The following PTPRT variants were observed in gnomAD, a reference collection of about 807,000 sequenced individuals.
PTPRT encodes receptor-type tyrosine-protein phosphatase T.
A neutral mutation model predicts 176.8 loss-of-function variants in PTPRT; 56 were observed. The observed-to-expected ratio is 0.32, with a 90% CI of 0.26 to 0.40. PTPRT has a LOEUF of 0.40. PTPRT is among the 10% of genes least tolerant of loss of function. The pLI, the probability that PTPRT is intolerant of heterozygous loss-of-function variation, is 1.00. For synonymous variants in PTPRT, 783 were observed against 739.0 expected, an observed-to-expected ratio of 1.06 and a Z score of -0.96; for missense variants, 1,540 against 1,908.2, an observed-to-expected ratio of 0.81 and a Z score of 3.60.
At chr20:42,207,017 C>A (rs1208577160) in intron 15 of PTPRT, among the ~76,000 whole-genome samples, 2 of 152,168 alleles carry the variant, frequency 1.3e-5, no homozygotes, top group Non-Finnish European at 2.9e-5. Flanking sequence ...GGGAGGCACC[C>A]CCCAGCAGGG....
At chr20:42,838,440 C>T (rs148108977) in intron 2 of PTPRT, among the ~76,000 whole-genome samples, 73 of 152,306 alleles carry the variant, frequency 4.8e-4, no homozygotes, top group African/African-American at 1.7e-3. Context: ...ACTGAGCTAG[C>T]CAGGCTGGAA....
intron 2 of PTPRT, among the ~76,000 whole-genome samples, chr20:42,819,026 C>T (rs2077841976): frequency 6.6e-6 from 1 of 152,160 alleles, no homozygotes; most frequent in Middle Eastern, 3.2e-3. Flanking sequence ...GGCAGGCCAA[C>T]ATACAAATTC....
intron 12 of PTPRT, among the ~76,000 whole-genome samples, chr20:42,295,398 T>C (rs2057372970): frequency 6.6e-6 from 1 of 152,172 alleles, no homozygotes; most frequent in Non-Finnish European, 1.5e-5. Flanking sequence ...TATGGAAAAG[T>C]AGCTTTCAAC....
At chr20:42,137,619 G>C (rs976051721) in intron 18 of PTPRT, among the ~76,000 whole-genome samples, 2 of 152,114 alleles carry the variant, frequency 1.3e-5, no homozygotes, top group Admixed American at 1.3e-4. Flanking sequence ...GTCCATCTCT[G>C]GGCTCTCTCT....
chr20:42,510,222 C>G (rs993987139), intron 7 of PTPRT, among the ~76,000 whole-genome samples: 1 of 152,058 alleles, frequency 6.6e-6, no homozygotes, highest in Non-Finnish European at 1.5e-5. Flanking sequence ...TTTCCAATAC[C>G]TAACCCCCCT....
chr20:42,374,482 C>A (rs1425388494), intron 9 of PTPRT, among the ~76,000 whole-genome samples: 8 of 151,976 alleles, frequency 5.3e-5, no homozygotes, highest in Admixed American at 2.6e-4. Flanking sequence ...TTAAAACTTA[C>A]AATCAAATAA....
chr20:42,906,172 G>A (rs1300486242), intron 1 of PTPRT, among the ~76,000 whole-genome samples: 1 of 152,146 alleles, frequency 6.6e-6, no homozygotes, highest in East Asian at 1.9e-4. Flanking sequence ...CAAGCGTCTG[G>A]ACATCAAGAG....
intron 1 of PTPRT, among the ~76,000 whole-genome samples, chr20:42,966,783 A>C (rs1982319579): frequency 6.6e-6 from 1 of 152,254 alleles, no homozygotes; most frequent in African/African-American, 2.4e-5. Flanking sequence ...GTACGTGATC[A>C]TCAGGCAGAG....
chr20:42,041,986 C>G, the PTPRT span, among the ~76,000 whole-genome samples: 1 of 152,124 alleles, frequency 6.6e-6, no homozygotes, highest in African/African-American at 2.4e-5. Flanking sequence ...GATGCTGTCT[C>G]TCCTGCATTT....
intron 7 of PTPRT, among the ~76,000 whole-genome samples, chr20:42,601,751 A>T (rs530031145): frequency 6.6e-6 from 1 of 152,242 alleles, no homozygotes; most frequent in Admixed American, 6.5e-5. Flanking sequence ...TCATTACTAA[A>T]TTAATGAATA....
the PTPRT span, among the ~76,000 whole-genome samples, chr20:42,049,151 A>C: frequency 5.1e-4 from 77 of 152,308 alleles, no homozygotes; most frequent in African/African-American, 1.8e-3. Context: ...GCGAAGTATA[A>C]CTGGAATAGC....
At chr20:42,783,379 A>AC (rs2077242516) in intron 3 of PTPRT, among the ~76,000 whole-genome samples, 4 of 152,320 alleles carry the variant, frequency 2.6e-5, no homozygotes, top group South Asian at 2.1e-4. Flanking sequence ...AATCAACAAA[A>AC]AAAAAAACCC....
At chr20:42,237,473 A>G (rs879903569) in intron 14 of PTPRT, among the ~76,000 whole-genome samples, 4 of 152,232 alleles carry the variant, frequency 2.6e-5, no homozygotes, top group Admixed American at 2.6e-4. Context: ...GCCACTGTGT[A>G]ATGAAGAAGG....
chr20:42,893,360 A>G (rs1003813015), intron 1 of PTPRT, among the ~76,000 whole-genome samples: 1 of 152,148 alleles, frequency 6.6e-6, no homozygotes, highest in Non-Finnish European at 1.5e-5. Flanking sequence ...GTCAGGAAAT[A>G]ACAGGTGCTG....
At position 42,079,924 on chromosome 20, in the gene PTPRT, G is replaced by T. The variant is rs1354914313; in HGVS notation, c.*955C>A. 4.3e-6 allele frequency: 1 copy of T among 232,002 alleles called. No homozygotes were observed. The highest frequency in any genetic ancestry group is 8.5e-6 in the Non-Finnish European group (1 of 117,404). The allele number at this position is 232,002 out of a possible 1,614,324, so 14.4% of individuals were successfully genotyped here. A position where few individuals can be genotyped will look rare whatever the true frequency, so the allele number is the denominator to read the frequency against. On this transcript the variant is annotated 3_prime_UTR_variant, in exon 31 of 31. Coordinates refer to ENST00000373187, the MANE Select transcript of PTPRT (RefSeq NM_007050.6). The stretch of plus-strand genomic sequence containing the variant: ...TAGAGGTACATACTCAAACTCCCCC[G>T]CCCCCTTCTTTTTGACATAAGAGAC...
At chr20:42,716,716 G>A (rs1041763018) in intron 6 of PTPRT, among the ~76,000 whole-genome samples, 18 of 152,078 alleles carry the variant, frequency 1.2e-4, no homozygotes, top group Non-Finnish European at 2.2e-4. Flanking sequence ...AAATCATGCT[G>A]CTATAAAGAC....
chr20:42,679,974 C>A (rs2075575258), intron 6 of PTPRT, among the ~76,000 whole-genome samples: 1 of 152,028 alleles, frequency 6.6e-6, no homozygotes, highest in African/African-American at 2.4e-5. Context: ...AAGAGTAGAA[C>A]AAGGAAGAGG....
At chr20:42,133,123 C>T (rs1371265861) in intron 18 of PTPRT, among the ~76,000 whole-genome samples, 4 of 152,166 alleles carry the variant, frequency 2.6e-5, no homozygotes, top group African/African-American at 4.8e-5. Flanking sequence ...ATATTCTACA[C>T]TTTATTATAA....
chr20:42,285,127 G>A (rs2057208094), intron 12 of PTPRT, among the ~76,000 whole-genome samples: 1 of 151,996 alleles, frequency 6.6e-6, no homozygotes, highest in South Asian at 2.1e-4. Flanking sequence ...TTCAGCTTCT[G>A]TTGGCTTCCA....
Sources: allele counts gnomAD v4.1 joint callset (sites outside exome capture counted in the v4.1 genomes callset), GRCh38; gene constraint gnomAD v4.1.1; transcripts MANE v1.5; gene names NCBI Gene and HGNC (gene_info 2026-07-23, HGNC 2026-07-21).